SCRG1: variants seen among roughly 807,000 people sequenced by gnomAD.
SCRG1 encodes scrapie-responsive protein 1.
Under a neutral mutation model 7.7 loss-of-function variants are expected in SCRG1, and 3 were observed. That is an observed-to-expected ratio of 0.39 (90% CI 0.18 to 1.01). The LOEUF is 1.01. Among genes scored for constraint, SCRG1 ranks in the 50% least tolerant of loss-of-function variants. SCRG1 has a pLI of 0.36. For synonymous variants in SCRG1, 46 were observed against 41.2 expected, an observed-to-expected ratio of 1.12 and a Z score of -0.44; for missense variants, 110 against 117.2, an observed-to-expected ratio of 0.94 and a Z score of 0.28.
chr4:173,456,230 A>G, the SCRG1 span, among the ~76,000 whole-genome samples: 67 of 152,350 alleles, frequency 4.4e-4, no homozygotes, highest in Non-Finnish European at 6.9e-4. Context: ...CAGAATTCGA[A>G]TCTTAAGTAG....
At chr4:173,423,563 T>C in the SCRG1 span, among the ~76,000 whole-genome samples, 1 of 152,192 alleles carries the variant, frequency 6.6e-6, no homozygotes. Context: ...AAATTTATTT[T>C]AAACTATTAA....
chr4:173,437,548 C>T, the SCRG1 span, among the ~76,000 whole-genome samples: 1 of 152,140 alleles, frequency 6.6e-6, no homozygotes, highest in Non-Finnish European at 1.5e-5. Context: ...ACTCATTTGC[C>T]CTCCTAAATA....
chr4:173,498,685 C>A, the SCRG1 span, among the ~76,000 whole-genome samples: 1 of 152,082 alleles, frequency 6.6e-6, no homozygotes, highest in Non-Finnish European at 1.5e-5. Context: ...GATTTACTGA[C>A]CAAACAGATC....
the SCRG1 span, among the ~76,000 whole-genome samples, chr4:173,482,796 T>A: frequency 6.7e-6 from 1 of 149,802 alleles, no homozygotes; most frequent in Non-Finnish European, 1.5e-5. Context: ...CCAGCCTGGG[T>A]GACAAAGTGA....
the SCRG1 span, among the ~76,000 whole-genome samples, chr4:173,484,422 T>TTATATATTATATACATATAATATATAA: frequency 1.5e-3 from 79 of 53,884 alleles, 8 homozygotes; most frequent in African/African-American, 3.1e-3. Context: ...ATAATATATA[T>TTATATATTATATACATATAATATATAA]TATATATTAT....
the SCRG1 span, among the ~76,000 whole-genome samples, chr4:173,424,422 A>T: frequency 1.3e-5 from 2 of 152,240 alleles, no homozygotes; most frequent in Non-Finnish European, 2.9e-5. Flanking sequence ...TCACTTAGAA[A>T]TAAAAAATAT....
chr4:173,448,394 A>G, the SCRG1 span, among the ~76,000 whole-genome samples: 2 of 152,330 alleles, frequency 1.3e-5, no homozygotes, highest in Non-Finnish European at 2.9e-5. Flanking sequence ...TCATTGCCCC[A>G]CGAAAGCCTT....
the SCRG1 span, among the ~76,000 whole-genome samples, chr4:173,415,585 T>G: frequency 1.3e-5 from 2 of 152,220 alleles, no homozygotes; most frequent in African/African-American, 2.4e-5. Context: ...GAAAGAGAAC[T>G]GGCATTTACC....
At chr4:173,483,235 AAT>A in the SCRG1 span, among the ~76,000 whole-genome samples, 5 of 42,246 alleles carry the variant, frequency 1.2e-4, no homozygotes, top group South Asian at 1.3e-3. Flanking sequence ...TATTATATAT[AAT>A]ATATGATATA....
chr4:173,454,000 C>T, the SCRG1 span, among the ~76,000 whole-genome samples: 1 of 151,922 alleles, frequency 6.6e-6, no homozygotes, highest in Admixed American at 6.6e-5. Flanking sequence ...ATCGCTTGAA[C>T]CCGGGAGGTG....
chr4:173,476,503 C>T, the SCRG1 span, among the ~76,000 whole-genome samples: 4 of 151,754 alleles, frequency 2.6e-5, no homozygotes, highest in South Asian at 2.1e-4. Context: ...CAGAACCACA[C>T]GAGCCCACCC....
At chr4:173,483,843 A>G in the SCRG1 span, among the ~76,000 whole-genome samples, 62 of 18,046 alleles carry the variant, frequency 3.4e-3, 17 homozygotes, top group East Asian at 0.023. Context: ...TATATAATAT[A>G]TAATATATAT....
chr4:173,505,387 A>G, the SCRG1 span, among the ~76,000 whole-genome samples: 1 of 152,072 alleles, frequency 6.6e-6, no homozygotes, highest in Non-Finnish European at 1.5e-5. This position sits in a 1 kb window ranked among gnomAD's most constrained non-coding sequence, Gnocchi z 4.4. Context: ...GGCCATCAGT[A>G]TATTGGGACA....
At chr4:173,437,135 G>A in the SCRG1 span, among the ~76,000 whole-genome samples, 2 of 152,102 alleles carry the variant, frequency 1.3e-5, no homozygotes, top group East Asian at 3.9e-4. Context: ...TCTATTATAC[G>A]CTCTCTGCTG....
the SCRG1 span, among the ~76,000 whole-genome samples, chr4:173,483,217 A>G: frequency 1.3e-5 from 1 of 75,950 alleles, no homozygotes; most frequent in Non-Finnish European, 2.2e-5. Context: ...TATATCATAT[A>G]ATATATATAT....
intron 1 of SCRG1, among the ~76,000 whole-genome samples, chr4:173,393,484 T>A (rs1038342630): frequency 6.6e-6 from 1 of 152,180 alleles, no homozygotes; most frequent in African/African-American, 2.4e-5. Context: ...CCAGCATATA[T>A]AAATGATATC....
the SCRG1 span, among the ~76,000 whole-genome samples, chr4:173,451,963 G>A: frequency 6.6e-6 from 1 of 152,108 alleles, no homozygotes; most frequent in Admixed American, 6.6e-5. Flanking sequence ...TGGGTTGATA[G>A]GCATCCAAGA....
At chr4:173,419,569 A>G in the SCRG1 span, 1 of 729,626 alleles carries the variant, frequency 1.4e-6, no homozygotes, top group Non-Finnish European at 2.5e-6. Flanking sequence ...CTTCTGCATT[A>G]AATTCCTTGT....
upstream of SCRG1, among the ~76,000 whole-genome samples, chr4:173,406,903 T>G (rs1016212650): frequency 6.6e-6 from 1 of 152,190 alleles, no homozygotes; most frequent in East Asian, 1.9e-4. Flanking sequence ...CGTACAGTTT[T>G]GGAAATTAAG....
Sources: gnomAD v4.1 joint callset for allele counts (sites outside exome capture counted in the v4.1 genomes callset) on GRCh38, gnomAD v4.1.1 for gene constraint, Gnocchi (gnomAD v3.1) non-coding constraint, MANE v1.5 for transcripts, NCBI Gene and HGNC (gene_info 2026-07-23, HGNC 2026-07-21) for gene names.